Variants in CSMD3 observed in about 807,000 individuals in gnomAD.
CSMD3 encodes the protein CUB and sushi domain-containing protein 3.
CSMD3 carries 177 observed loss-of-function variants against 435.2 expected under a neutral mutation model. That is an observed-to-expected ratio of 0.41 (90% CI 0.36 to 0.46). The LOEUF (loss-of-function observed/expected upper bound fraction) is 0.46. Ranked by LOEUF, CSMD3 falls within the 20% of genes least tolerant of loss-of-function variation. The pLI is 0.34. For missense variants in CSMD3, 4,265 were observed against 4,504.6 expected (o/e 0.95, Z 1.52); for synonymous variants, 1,656 against 1,520.5 (o/e 1.09, Z -2.07).
chr8:113,411,588 T>C (rs1163756379), intron 1 of CSMD3, among the ~76,000 whole-genome samples: 1 of 152,238 alleles, frequency 6.6e-6, no homozygotes, highest in African/African-American at 2.4e-5. Flanking sequence ...TCAGTTGAGC[T>C]AGATTTTCTC....
chr8:112,539,723 CT>C (rs1206087379), intron 27 of CSMD3, among the ~76,000 whole-genome samples: 2 of 152,074 alleles, frequency 1.3e-5, no homozygotes, highest in African/African-American at 4.8e-5. Flanking sequence ...AACTAGACCC[CT>C]ATCTCTCACC....
At chr8:112,390,870 T>C in intron 35 of CSMD3, 82 bp from the exon 36 acceptor site, 1 of 1,260,830 alleles carries the variant, frequency 7.9e-7, no homozygotes, top group Non-Finnish European at 1.2e-6. Flanking sequence ...GATAACATCT[T>C]AGACAGATAC....
At chr8:112,491,590 A>G (rs995398828) in intron 31 of CSMD3, among the ~76,000 whole-genome samples, 8 of 152,140 alleles carry the variant, frequency 5.3e-5, no homozygotes, top group Non-Finnish European at 1.2e-4. Flanking sequence ...GTGGAGTTGC[A>G]GTGAGCCCGG....
chr8:112,540,961 A>G (rs1447698577), intron 27 of CSMD3, among the ~76,000 whole-genome samples: 1 of 152,082 alleles, frequency 6.6e-6, no homozygotes, highest in Non-Finnish European at 1.5e-5. Context: ...GTTTGATATA[A>G]TGAATATTCC....
intron 24 of CSMD3, among the ~76,000 whole-genome samples, chr8:112,572,206 T>G (rs1829587053): frequency 6.6e-6 from 1 of 152,068 alleles, no homozygotes; most frequent in African/African-American, 2.4e-5. Flanking sequence ...TAAACACAAT[T>G]TGTCTGGACT....
At chr8:113,148,226 T>C (rs1411946033) in intron 4 of CSMD3, among the ~76,000 whole-genome samples, 1 of 151,732 alleles carries the variant, frequency 6.6e-6, no homozygotes, top group South Asian at 2.1e-4. Context: ...ATAATTTTCA[T>C]CTTATTTTTC....
At chr8:113,374,194 G>A (rs1310731480) in intron 1 of CSMD3, among the ~76,000 whole-genome samples, 1 of 151,866 alleles carries the variant, frequency 6.6e-6, no homozygotes, top group Non-Finnish European at 1.5e-5. Flanking sequence ...TGGCATATGA[G>A]TATAGACACA....
chr8:112,976,325 T>C (rs1435758056), intron 6 of CSMD3, among the ~76,000 whole-genome samples, 177 bp from the exon 7 acceptor site: 1 of 152,174 alleles, frequency 6.6e-6, no homozygotes, highest in East Asian at 1.9e-4. Flanking sequence ...GGTTTGTTTC[T>C]ATCAACCATC....
At chr8:112,783,431 A>G (rs2078448405) in intron 13 of CSMD3, among the ~76,000 whole-genome samples, 1 of 69,130 alleles carries the variant, frequency 1.4e-5, no homozygotes, top group Non-Finnish European at 3.0e-5. Context: ...GGAGGGAAGG[A>G]AGGAAGGAAG....
Position 113,037,800 on chromosome 8 carries a change from A to G in CSMD3, c.918-18621T>C, listed in dbSNP as rs970775627. ...TTATGCAAAGGCAAAACAAAAAAAA[A>G]CAAAACAGAAACTGAATTTCATATT... On this transcript the variant is annotated intron_variant, in intron 5 of 70. Coordinates refer to ENST00000297405, the MANE Select transcript of CSMD3 (RefSeq NM_198123.2). Among the ~76,000 whole-genome samples, 11 of 152,322 alleles carry G rather than the reference A, an allele frequency of 7.2e-5. No individual in the cohort carries two copies. In the East Asian group the frequency reaches 2.1e-3, roughly 29 times the overall value.
At chr8:113,271,862 T>C (rs1320718386) in intron 3 of CSMD3, among the ~76,000 whole-genome samples, 1 of 152,174 alleles carries the variant, frequency 6.6e-6, no homozygotes, top group Non-Finnish European at 1.5e-5. Flanking sequence ...GAAGTGGTGC[T>C]ATACCCTGCA....
At chr8:113,036,291 C>A (rs945955260) in intron 5 of CSMD3, among the ~76,000 whole-genome samples, 1 of 151,882 alleles carries the variant, frequency 6.6e-6, no homozygotes, top group African/African-American at 2.4e-5. Context: ...AAGTGTAATG[C>A]CTAACTTTTC....
intron 2 of CSMD3, among the ~76,000 whole-genome samples, chr8:113,285,605 A>C (rs2132498596): frequency 6.6e-6 from 1 of 152,286 alleles, no homozygotes; most frequent in South Asian, 2.1e-4. Flanking sequence ...TAGCAAAGAT[A>C]TTTCCCGACT....
At chr8:112,488,213 T>C (rs1820328858) in intron 31 of CSMD3, among the ~76,000 whole-genome samples, 1 of 152,218 alleles carries the variant, frequency 6.6e-6, no homozygotes, top group African/African-American at 2.4e-5. Context: ...TCCTAAATCA[T>C]GGTAAAAATC....
intron 5 of CSMD3, among the ~76,000 whole-genome samples, chr8:113,054,414 A>T (rs1018537249): frequency 2.0e-5 from 3 of 152,230 alleles, no homozygotes; most frequent in East Asian, 1.9e-4. Flanking sequence ...TCTTCAATAC[A>T]TTTTTTTAAG....
At chr8:113,254,462 T>C (rs983381131) in intron 3 of CSMD3, among the ~76,000 whole-genome samples, 3 of 152,174 alleles carry the variant, frequency 2.0e-5, no homozygotes, top group African/African-American at 4.8e-5. Flanking sequence ...TGGCCAGGTA[T>C]AGAACCCATC....
chr8:112,551,795 C>A (rs1232629047), intron 26 of CSMD3, among the ~76,000 whole-genome samples: 1 of 151,780 alleles, frequency 6.6e-6, no homozygotes. Flanking sequence ...TCTGAAATTC[C>A]ATTGTATATA....
At chr8:112,324,669 T>C (rs1823327586) in intron 45 of CSMD3, among the ~76,000 whole-genome samples, 1 of 151,978 alleles carries the variant, frequency 6.6e-6, no homozygotes, top group South Asian at 2.1e-4. Context: ...AATCAGGGGC[T>C]AAATCAGACA....
chr8:113,235,285 C>A (rs2093135241), intron 3 of CSMD3, among the ~76,000 whole-genome samples: 1 of 152,058 alleles, frequency 6.6e-6, no homozygotes, highest in Non-Finnish European at 1.5e-5. Context: ...CCTTCCTGTA[C>A]CTGGTGGAAA....
Sources: allele counts gnomAD v4.1 joint callset (sites outside exome capture counted in the v4.1 genomes callset), GRCh38; gene constraint gnomAD v4.1.1; transcripts MANE v1.5; gene names NCBI Gene and HGNC (gene_info 2026-07-23, HGNC 2026-07-21).